TMPRSS11F: variants seen among roughly 807,000 people sequenced by gnomAD.
TMPRSS11F encodes transmembrane serine protease 11F.
TMPRSS11F carries 47 observed loss-of-function variants against 60.2 expected under a neutral mutation model. That is an observed-to-expected ratio of 0.78 (90% CI 0.62 to 1.00). TMPRSS11F has a LOEUF of 1.00. TMPRSS11F is among the 50% of genes least tolerant of loss of function. TMPRSS11F has a pLI of 0.00. For synonymous variants in TMPRSS11F, 166 were observed against 167.3 expected, an observed-to-expected ratio of 0.99 and a Z score of 0.06; for missense variants, 519 against 522.9, an observed-to-expected ratio of 0.99 and a Z score of 0.07.
rs1723904737 is a variant in TMPRSS11F at position 68,090,558 on chromosome 4, C to T, written c.247G>A (p.Glu83Lys). The change falls in exon 3 of 10, where the codon GAG (glutamate) becomes AAG (lysine). Residue 83 changes from glutamate (E) to lysine (K), a missense_variant. Transcript: ENST00000356291. Reference protein sequence around the residue: ...KENYGIRSSREFIERSHQIER... With the variant: ...KENYGIRSSRKFIERSHQIER... ...ATCTGATGACTCCTTTCTATAAACT[C>T]TCTTGAAGATCTTATGCCATAATTT... The T allele has an allele frequency of 4.4e-6, 7 of 1,599,942 alleles. No homozygotes were observed. In the East Asian group the frequency reaches 1.6e-4, roughly 36 times the overall value.
At chr4:68,094,436 T>G (rs1036751292) in intron 2 of TMPRSS11F, among the ~76,000 whole-genome samples, 1 of 135,634 alleles carries the variant, frequency 7.4e-6, no homozygotes, top group Non-Finnish European at 1.6e-5. Flanking sequence ...CATTGGGAGA[T>G]ATACCTAAGG....
At chr4:68,093,105 TTA>T (rs939265495) in intron 2 of TMPRSS11F, among the ~76,000 whole-genome samples, 5 of 152,208 alleles carry the variant, frequency 3.3e-5, no homozygotes, top group African/African-American at 1.2e-4. Flanking sequence ...AAATAAGGTT[TTA>T]TAAAAGATCA....
At chr4:68,054,258 G>A (rs1722997349) in intron 9 of TMPRSS11F, among the ~76,000 whole-genome samples, 191 bp from the exon 10 acceptor site, 2 of 151,838 alleles carry the variant, frequency 1.3e-5, no homozygotes, top group East Asian at 3.9e-4. Context: ...TCATAGGAAG[G>A]CTAACATTCA....
intron 5 of TMPRSS11F, 120 bp from the exon 6 acceptor site, chr4:68,070,127 A>C (rs1271676867): frequency 1.4e-6 from 1 of 717,186 alleles, no homozygotes; most frequent in Non-Finnish European, 2.2e-6. Context: ...TTTCAAGAGA[A>C]TATGAGATTT....
At chr4:68,069,919 A>G (rs149994120) in intron 6 of TMPRSS11F, 50 bp downstream of exon 6, 1 of 1,451,432 alleles carries the variant, frequency 6.9e-7, no homozygotes, top group Non-Finnish European at 9.3e-7. Flanking sequence ...AACTTTTTTC[A>G]TGATCTTTTA....
chr4:68,075,727 G>T (rs148843101), intron 3 of TMPRSS11F, among the ~76,000 whole-genome samples: 1 of 152,240 alleles, frequency 6.6e-6, no homozygotes, highest in East Asian at 1.9e-4. Flanking sequence ...GGGTGCGGTG[G>T]CTCACACCTG....
In TMPRSS11F at chr4:68,104,064, G is replaced by T. The variant is rs74966969; in HGVS notation, c.12-5026C>A. Among the ~76,000 whole-genome samples the T allele has an allele frequency of 4.6e-5, 7 of 152,170 alleles. No homozygotes were observed. In the East Asian group the frequency reaches 1.4e-3, roughly 29 times the overall value. ...TAATAGTGTTTTGTGGCATCTTTGG[G>T]ATTTATACATTTAAGATCATGTCAG... is the stretch of plus-strand genomic sequence containing the variant. On this transcript the variant is annotated intron_variant, in intron 1 of 9. Coordinates refer to ENST00000356291, the MANE Select transcript of TMPRSS11F (RefSeq NM_207407.2).
At chr4:68,105,865 C>A (rs1013651868) in intron 1 of TMPRSS11F, among the ~76,000 whole-genome samples, 1 of 152,062 alleles carries the variant, frequency 6.6e-6, no homozygotes, top group African/African-American at 2.4e-5. Flanking sequence ...GTATTTACTA[C>A]CCAAATTCTC....
chr4:68,093,311 C>A (rs1385951882), intron 2 of TMPRSS11F, among the ~76,000 whole-genome samples: 5 of 152,116 alleles, frequency 3.3e-5, no homozygotes, highest in African/African-American at 1.2e-4. Context: ...TGCTGAAGAT[C>A]ACCTAAATGG....
chr4:68,104,180 A>T (rs995656800), intron 1 of TMPRSS11F, among the ~76,000 whole-genome samples: 3 of 152,192 alleles, frequency 2.0e-5, no homozygotes, highest in African/African-American at 7.2e-5. Flanking sequence ...TATGTTGAAC[A>T]GAAGTGGCAA....
intron 8 of TMPRSS11F, chr4:68,062,486 G>C: frequency 2.9e-6 from 2 of 687,194 alleles, no homozygotes; most frequent in Middle Eastern, 2.5e-4. Flanking sequence ...GGTAGAAACA[G>C]TAATGTTGTA....
chr4:68,107,458 A>G (rs1033489847), intron 1 of TMPRSS11F, among the ~76,000 whole-genome samples: 6 of 152,308 alleles, frequency 3.9e-5, no homozygotes, highest in African/African-American at 1.4e-4. Context: ...GGAGACATGA[A>G]CAAGGTGAAA....
intron 4 of TMPRSS11F, among the ~76,000 whole-genome samples, chr4:68,073,548 A>G (rs1467131208): frequency 6.6e-6 from 1 of 152,258 alleles, no homozygotes; most frequent in Non-Finnish European, 1.5e-5. Context: ...AACTAACAAT[A>G]AACATGCACT....
At chr4:68,100,356 A>G (rs1484740972) in intron 1 of TMPRSS11F, among the ~76,000 whole-genome samples, 2 of 152,138 alleles carry the variant, frequency 1.3e-5, no homozygotes, top group Admixed American at 1.3e-4. Flanking sequence ...GAAGATTTAG[A>G]AAAGTCACAC....
At chr4:68,059,539 G>A in intron 8 of TMPRSS11F, 71 bp from the exon 9 acceptor site, 1 of 1,446,616 alleles carries the variant, frequency 6.9e-7, no homozygotes, top group South Asian at 1.4e-5. Context: ...AGACATAGAA[G>A]ACACATAAAT....
Position 68,099,009 on chromosome 4 carries a change from G to A in TMPRSS11F, c.41C>T (p.Ser14Leu), listed in dbSNP as rs779409577. 6.2e-7 allele frequency: 1 copy of A among 1,612,480 alleles called. No homozygotes were observed. Among genetic ancestry groups the A allele is most frequent in the South Asian group, 1.1e-5 (1 of 90,958 alleles). ...APVEFSEAEFSRAEYQRKQQF... is the reference protein window; with the variant it reads ...APVEFSEAEFLRAEYQRKQQF... The stretch of plus-strand genomic sequence containing the variant: ...CTGCTTTCTTTGATATTCAGCTCGT[G>A]AGAATTCAGCTTCTGAAAATTCAAC... Residue 14 changes from serine to leucine, a missense_variant, in exon 2 of 10, where the codon TCA becomes TTA. Coordinates refer to ENST00000356291, the MANE Select transcript of TMPRSS11F (RefSeq NM_207407.2).
At chr4:68,067,628 A>G (rs146775848) in intron 7 of TMPRSS11F, among the ~76,000 whole-genome samples, 7 of 152,274 alleles carry the variant, frequency 4.6e-5, no homozygotes, top group African/African-American at 1.4e-4. Flanking sequence ...AAATTTGCCC[A>G]TAAGGCATAA....
At chr4:68,115,239 C>G (rs1577935561) in intron 1 of TMPRSS11F, among the ~76,000 whole-genome samples, 1 of 150,934 alleles carries the variant, frequency 6.6e-6, no homozygotes, top group African/African-American at 2.4e-5. Context: ...CGCCTGTAGT[C>G]CCAGCTACTC....
intron 1 of TMPRSS11F, among the ~76,000 whole-genome samples, chr4:68,121,952 C>A (rs1724632836): frequency 6.6e-6 from 1 of 152,156 alleles, no homozygotes; most frequent in African/African-American, 2.4e-5. Context: ...TGCCAAGTGG[C>A]CTTATCATTG....
Sources: allele counts gnomAD v4.1 joint callset (sites outside exome capture counted in the v4.1 genomes callset), GRCh38; gene constraint gnomAD v4.1.1; transcripts MANE v1.5; gene names NCBI Gene and HGNC (gene_info 2026-07-23, HGNC 2026-07-21).